Variants in ZNF483 observed in about 807,000 individuals in gnomAD.
The protein encoded by ZNF483 is zinc finger protein HIT-10.
A neutral mutation model predicts 28.6 loss-of-function variants in ZNF483; 9 were observed. That is an observed-to-expected ratio of 0.32 (90% confidence interval 0.19 to 0.55). The LOEUF is 0.55. ZNF483 is among the 20% of genes least tolerant of loss of function. The probability of loss-of-function intolerance (pLI) is 0.93; values close to 1 mark genes in which losing one functional copy is unlikely to be tolerated. For missense variants in ZNF483, 675 were observed against 871.7 expected (o/e 0.77, Z 2.84); for synonymous variants, 322 against 306.2 (o/e 1.05, Z -0.54).
chr9:111,537,504 C>T lies in ZNF483; in HGVS notation c.721+3151C>T, dbSNP rs769223147. On this transcript the variant is annotated intron_variant, in intron 5 of 5. Coordinates refer to ENST00000309235, the MANE Select transcript of ZNF483 (RefSeq NM_133464.5). ...CTGGGTTTACAGGCGTGAGCCACAGCGCCTGGCCTACCTGGCATTTTAAGT... is the reference window on the plus strand; with the variant it reads ...CTGGGTTTACAGGCGTGAGCCACAGTGCCTGGCCTACCTGGCATTTTAAGT... 8.5e-5 allele frequency among the ~76,000 whole-genome samples: 13 copies of T among 152,282 alleles called. No homozygotes were observed. In the East Asian group the frequency reaches 1.2e-3, roughly 14 times the overall value.
intron 1 of ZNF483, among the ~76,000 whole-genome samples, 194 bp from the exon 2 acceptor site, chr9:111,527,074 C>T (rs1455911748): frequency 6.6e-6 from 1 of 151,992 alleles, no homozygotes; most frequent in African/African-American, 2.4e-5. Flanking sequence ...TTCACTCCAG[C>T]CTGGGCACCA....
Position 111,544,180 on chromosome 9 carries a change from A to G in ZNF483, c.*1010A>G, listed in dbSNP as rs1266707058. 5.1e-6 allele frequency: 5 copies of G among 985,344 alleles called. No homozygotes were observed. Among genetic ancestry groups the G allele is most frequent in the Non-Finnish European group, 4.8e-6 (4 of 829,984 alleles). 61.0% of individuals were successfully genotyped at this position (985,344 alleles called of 1,614,324 possible). ...AGGAAAATAGATGGGGGCTGGGGGT[A>G]AGGAAATGTGCTGAAGACAGAGCTA... On this transcript the variant is annotated 3_prime_UTR_variant, in exon 6 of 6. Transcript: ENST00000309235.
intron 5 of ZNF483, among the ~76,000 whole-genome samples, chr9:111,572,990 G>A (rs540042669): frequency 6.6e-6 from 1 of 152,218 alleles, no homozygotes; most frequent in African/African-American, 2.4e-5. Flanking sequence ...GCTTGCCTCT[G>A]AGCTATCCTA....
At position 111,553,981 on chromosome 9, in the gene ZNF483, G is replaced by T. The variant is rs1392054723; in HGVS notation, c.*10811G>T. ...ATAACTTCCAACGTCCCAGAGGCAG[G>T]GAAAGGAAGAACTGGAGCATTGTGC... On this transcript the variant is annotated 3_prime_UTR_variant, in exon 6 of 6. Coordinates refer to ENST00000309235, the MANE Select transcript of ZNF483 (RefSeq NM_133464.5). 6.6e-6 allele frequency among the ~76,000 whole-genome samples: 1 copy of T among 152,210 alleles called. No homozygotes were observed. The highest frequency in any genetic ancestry group is 1.5e-5 in the Non-Finnish European group (1 of 68,038).
chr9:111,538,142 T>C (rs555907802), intron 5 of ZNF483, among the ~76,000 whole-genome samples: 1 of 151,344 alleles, frequency 6.6e-6, no homozygotes, highest in Admixed American at 6.6e-5. Context: ...TTTTTTGACA[T>C]GTCTAGGCTA....
rs1395088238 is a variant in ZNF483 at position 111,554,039 on chromosome 9, A to G, written c.*10869A>G. ...TTAAGCACTAGCCTAGAAACAGCTG[A>G]GAACCACAGGTTTCAAACTCGGTGC... On this transcript the variant is annotated 3_prime_UTR_variant, in exon 6 of 6. Transcript: ENST00000309235. 1.3e-5 allele frequency among the ~76,000 whole-genome samples: 2 copies of G among 152,222 alleles called. No homozygotes were observed. The highest frequency in any genetic ancestry group is 4.8e-5 in the African/African-American group (2 of 41,466).
intron 1 of ZNF483, among the ~76,000 whole-genome samples, chr9:111,527,014 C>T (rs544451525): frequency 6.6e-6 from 1 of 152,126 alleles, no homozygotes; most frequent in African/African-American, 2.4e-5. Flanking sequence ...GTAGGAGAAT[C>T]ACTTGAACCC....
At chr9:111,534,576 G>T (rs573325627) in intron 5 of ZNF483, among the ~76,000 whole-genome samples, 1 of 152,268 alleles carries the variant, frequency 6.6e-6, no homozygotes, top group African/African-American at 2.4e-5. Flanking sequence ...ACTGGAGAAA[G>T]ATTCAGTGAA....
In ZNF483 at chr9:111,560,944, AATATATATATAT is replaced by A. The variant is rs746101013; in HGVS notation, c.722-15401_722-15390del. Among the ~76,000 whole-genome samples, 105 of 31,190 alleles carry A rather than the reference AATATATATATAT, an allele frequency of 3.4e-3. 2 individuals are homozygous for A. The highest frequency in any genetic ancestry group is 0.013 in the Middle Eastern group (1 of 76). The allele number at this position is 31,190 out of a possible 152,430, so 20.5% of individuals were successfully genotyped here. A position where few individuals can be genotyped will look rare whatever the true frequency, so the allele number is the denominator to read the frequency against. On this transcript the variant is annotated intron_variant, in intron 5 of 5. Transcript: ENST00000358151. ...GGCAACAGAGTGAGACTCCATCTAA[AATATATATATAT>A]ATATATATATATATATATAGAGAGA...
exon 6 of ZNF483, chr9:111,576,775 A>C (rs183020943): frequency 5.9e-6 from 1 of 170,194 alleles, no homozygotes; most frequent in Non-Finnish European, 1.3e-5. Context: ...GAATCTAATA[A>C]GGGACTTGTA....
rs563730510 is a variant in ZNF483, at chr9:111,553,080, A to G, written c.*9910A>G. ...GTTAGAAATTTCACTCGCAGTTCATATGAGTAATTTTGTGTATTCTTTTTT... is the reference window on the plus strand; with the variant it reads ...GTTAGAAATTTCACTCGCAGTTCATGTGAGTAATTTTGTGTATTCTTTTTT... On this transcript the variant is annotated 3_prime_UTR_variant, in exon 6 of 6. Coordinates refer to ENST00000309235, the MANE Select transcript of ZNF483 (RefSeq NM_133464.5). Among the ~76,000 whole-genome samples, 2 of 152,352 alleles carry G rather than the reference A, an allele frequency of 1.3e-5. No individual in the cohort carries two copies. Among genetic ancestry groups the G allele is most frequent in the Middle Eastern group, 3.4e-3 (1 of 294 alleles).
intron 1 of ZNF483, among the ~76,000 whole-genome samples, chr9:111,526,292 G>T (rs769334094): frequency 1.1e-4 from 16 of 152,200 alleles, no homozygotes; most frequent in Non-Finnish European, 7.3e-5. Context: ...ATTTATGGCT[G>T]TAGTGTCAAT....
chr9:111,553,583 TACTG>T lies in ZNF483; in HGVS notation c.*10417_*10420del, dbSNP rs1828035671. Among the ~76,000 whole-genome samples, 1 of 152,238 alleles carries T rather than the reference TACTG, an allele frequency of 6.6e-6. No individual in the cohort carries two copies. Among genetic ancestry groups the T allele is most frequent in the African/African-American group, 2.4e-5 (1 of 41,464 alleles). On this transcript the variant is annotated 3_prime_UTR_variant, in exon 6 of 6. Transcript: ENST00000309235. ...ATCTGAACTCAAATCAATCTGTTGA[TACTG>T]ACTAGATTGGTGACGTGTTTATGTG...
At chr9:111,566,228 T>C (rs554254213) in intron 5 of ZNF483, among the ~76,000 whole-genome samples, 5 of 152,150 alleles carry the variant, frequency 3.3e-5, no homozygotes, top group Middle Eastern at 6.8e-3. Flanking sequence ...AATAAATAAA[T>C]AAACACCTAA....
At chr9:111,558,674 CT>C (rs1189965462), downstream of ZNF483, among the ~76,000 whole-genome samples, 21 of 152,236 alleles carry the variant, frequency 1.4e-4, no homozygotes, top group East Asian at 3.9e-3. Flanking sequence ...CTTTCAGGCC[CT>C]CTTAGTGGGC....
rs535194331 is a variant in ZNF483, at chr9:111,568,097, G to A, written c.722-8268G>A. On this transcript the variant is annotated intron_variant, in intron 5 of 5. Transcript: ENST00000358151. The stretch of plus-strand genomic sequence containing the variant: ...TCTTGAAAAAGAACAGAATAACAGC[G>A]ATTTTCAGGGAACAAGGGAAGACAA... Among the ~76,000 whole-genome samples, 5 of 152,224 alleles carry A rather than the reference G, an allele frequency of 3.3e-5. No homozygotes were observed. In the East Asian group the frequency reaches 5.8e-4, roughly 18 times the overall value.
intron 5 of ZNF483, chr9:111,563,511 T>G (rs1828406279): frequency 5.5e-6 from 1 of 181,618 alleles, no homozygotes; most frequent in Non-Finnish European, 1.1e-5. Flanking sequence ...TTTTCTTTCT[T>G]TTTTTTTTTT....
At chr9:111,556,246 A>G (rs1180087735), downstream of ZNF483, among the ~76,000 whole-genome samples, 1 of 152,206 alleles carries the variant, frequency 6.6e-6, no homozygotes, top group African/African-American at 2.4e-5. Context: ...GTGGGCTTCT[A>G]AGGTCTTGGG....
chr9:111,556,644 G>A (rs1828131915), downstream of ZNF483, among the ~76,000 whole-genome samples: 1 of 152,208 alleles, frequency 6.6e-6, no homozygotes, highest in South Asian at 2.1e-4. Context: ...CTGCGGGAGG[G>A]ACCTGGTGGG....
Sources: gnomAD v4.1 joint callset for allele counts (sites outside exome capture counted in the v4.1 genomes callset) on GRCh38, gnomAD v4.1.1 for gene constraint, MANE v1.5 for transcripts, NCBI Gene and HGNC (gene_info 2026-07-23, HGNC 2026-07-21) for gene names.